The following TMEFF2 variants were observed in gnomAD, a reference collection of about 807,000 sequenced individuals.
The protein encoded by TMEFF2 is tomoregulin-2.
A neutral mutation model predicts 53.8 loss-of-function variants in TMEFF2; 28 were observed. The observed-to-expected ratio is 0.52, with a 90% CI of 0.39 to 0.71. TMEFF2 has a LOEUF of 0.71. Among genes scored for constraint, TMEFF2 ranks in the 30% least tolerant of loss-of-function variants. The probability of loss-of-function intolerance (pLI) is 0.00; values close to 1 mark genes in which losing one functional copy is unlikely to be tolerated. For synonymous variants in TMEFF2, 162 were observed against 166.3 expected, an observed-to-expected ratio of 0.97 and a Z score of 0.20; for missense variants, 353 against 455.2, an observed-to-expected ratio of 0.78 and a Z score of 2.04.
At chr2:192,090,306 A>G (rs2105933862) in intron 4 of TMEFF2, among the ~76,000 whole-genome samples, 1 of 152,256 alleles carries the variant, frequency 6.6e-6, no homozygotes, top group Middle Eastern at 3.4e-3. Flanking sequence ...TAGATTCTTT[A>G]GTGGAGTGAC....
chr2:192,159,009 T>C (rs1051983759), intron 4 of TMEFF2, among the ~76,000 whole-genome samples: 2 of 152,102 alleles, frequency 1.3e-5, no homozygotes, highest in Admixed American at 1.3e-4. Flanking sequence ...TGAAGTTCCA[T>C]GTATGGAGGT....
At chr2:192,067,566 G>T (rs1259364059) in intron 4 of TMEFF2, among the ~76,000 whole-genome samples, 1 of 151,814 alleles carries the variant, frequency 6.6e-6, no homozygotes, top group Non-Finnish European at 1.5e-5. Context: ...TCAATTTGTT[G>T]CTTGCCAACT....
intron 4 of TMEFF2, among the ~76,000 whole-genome samples, chr2:192,083,494 C>T (rs1160745867): frequency 6.6e-6 from 1 of 152,044 alleles, no homozygotes; most frequent in Admixed American, 6.6e-5. Flanking sequence ...AGAAAAATGT[C>T]CTTTTCTGGC....
intron 4 of TMEFF2, among the ~76,000 whole-genome samples, chr2:192,097,398 A>G (rs891824940): frequency 3.9e-4 from 59 of 152,350 alleles, no homozygotes; most frequent in Non-Finnish European, 6.9e-4. Flanking sequence ...TCCTTAACAT[A>G]TATTCTTTAG....
At chr2:191,985,895 T>TA (rs1685963883) in intron 7 of TMEFF2, among the ~76,000 whole-genome samples, 2 of 152,206 alleles carry the variant, frequency 1.3e-5, no homozygotes, top group South Asian at 4.1e-4. Context: ...GAGGGTCTGT[T>TA]ACTTGGAGCC....
chr2:192,034,284 C>A (rs1687226047), intron 5 of TMEFF2, among the ~76,000 whole-genome samples: 8 of 151,670 alleles, frequency 5.3e-5, no homozygotes, highest in Admixed American at 5.2e-4. Flanking sequence ...TCTTAGAATT[C>A]CAGTTAAAAT....
At chr2:192,023,268 G>A (rs1251521104) in intron 5 of TMEFF2, among the ~76,000 whole-genome samples, 1 of 152,008 alleles carries the variant, frequency 6.6e-6, no homozygotes, top group Non-Finnish European at 1.5e-5. Context: ...CTATAATCAT[G>A]GATATTTTCA....
At chr2:192,031,137 T>C (rs967599382) in intron 5 of TMEFF2, among the ~76,000 whole-genome samples, 2 of 152,224 alleles carry the variant, frequency 1.3e-5, no homozygotes, top group African/African-American at 4.8e-5. Flanking sequence ...TATCTGAAAT[T>C]GCAATATTCA....
chr2:192,003,208 T>C (rs1686410642), intron 5 of TMEFF2, among the ~76,000 whole-genome samples: 1 of 152,234 alleles, frequency 6.6e-6, no homozygotes, highest in Non-Finnish European at 1.5e-5. Context: ...GTTGCTATTC[T>C]AAAAGTTACT....
At chr2:192,125,652 A>C (rs1386240393) in intron 4 of TMEFF2, among the ~76,000 whole-genome samples, 5 of 152,264 alleles carry the variant, frequency 3.3e-5, no homozygotes, top group African/African-American at 1.2e-4. Context: ...CTGGATAAAG[A>C]AAATGTGGTA....
chr2:192,156,735 A>G (rs935657703), intron 4 of TMEFF2, among the ~76,000 whole-genome samples: 2 of 152,002 alleles, frequency 1.3e-5, no homozygotes, highest in Non-Finnish European at 2.9e-5. Flanking sequence ...GTTATAAAAT[A>G]ATCACACTTA....
intron 4 of TMEFF2, among the ~76,000 whole-genome samples, chr2:192,115,481 C>A (rs1028663456): frequency 2.6e-5 from 4 of 151,684 alleles, no homozygotes; most frequent in African/African-American, 9.7e-5. Flanking sequence ...CAGATAAACA[C>A]GTGGAATTAC....
intron 4 of TMEFF2, among the ~76,000 whole-genome samples, chr2:192,119,954 C>T (rs532335185): frequency 2.1e-4 from 32 of 152,204 alleles, no homozygotes; most frequent in African/African-American, 7.2e-4. Context: ...AATTTCTGGA[C>T]CCTGTTCTAG....
chr2:192,056,734 T>C (rs10804046), intron 5 of TMEFF2, among the ~76,000 whole-genome samples: 71,175 of 151,876 alleles, frequency 0.47, 17,671 homozygotes, highest in East Asian at 0.61. Context: ...GATGATAGTA[T>C]TGGGAGGTAG....
At chr2:191,997,740 C>G (rs904292894) in intron 7 of TMEFF2, among the ~76,000 whole-genome samples, 1 of 147,680 alleles carries the variant, frequency 6.8e-6, no homozygotes, top group African/African-American at 2.4e-5. Context: ...GTCTGAGAAA[C>G]TACATTTTAG....
chr2:191,988,045 A>T (rs1406082175), intron 7 of TMEFF2, among the ~76,000 whole-genome samples: 1 of 152,210 alleles, frequency 6.6e-6, no homozygotes, highest in East Asian at 1.9e-4. Flanking sequence ...TAAGATGAAC[A>T]GCTCGGAAGT....
At chr2:192,038,060 A>C (rs1444379904) in intron 5 of TMEFF2, 1 of 152,224 alleles carries the variant, frequency 6.6e-6, no homozygotes, top group African/African-American at 2.4e-5. Context: ...GATGGTGCAC[A>C]TGACTTCATA....
At chr2:192,091,664 G>C (rs771213634) in intron 4 of TMEFF2, among the ~76,000 whole-genome samples, 1 of 151,532 alleles carries the variant, frequency 6.6e-6, no homozygotes, top group Non-Finnish European at 1.5e-5. Flanking sequence ...GTTTTATTAC[G>C]TCACTTTATG....
chr2:192,021,032 G>A (rs1471383297), intron 5 of TMEFF2, among the ~76,000 whole-genome samples: 1 of 152,112 alleles, frequency 6.6e-6, no homozygotes, highest in Non-Finnish European at 1.5e-5. Context: ...CTTAAGCATT[G>A]ATCATTCAGA....
Sources: allele counts gnomAD v4.1 joint callset (sites outside exome capture counted in the v4.1 genomes callset), GRCh38; gene constraint gnomAD v4.1.1; transcripts MANE v1.5; gene names NCBI Gene and HGNC (gene_info 2026-07-23, HGNC 2026-07-21).